SATB2: variants seen among roughly 807,000 people sequenced by gnomAD.
The protein encoded by SATB2 is SATB homeobox 2.
SATB2 carries 1 observed loss-of-function variant against 73.4 expected under a neutral mutation model. That is an observed-to-expected ratio of 0.01 (90% CI 0.00 to 0.06). The LOEUF is 0.06. SATB2 is among the 10% of genes least tolerant of loss of function. The pLI is 1.00. For synonymous variants in SATB2, 397 were observed against 367.0 expected (o/e 1.08, Z -0.93); for missense variants, 459 against 945.8 (o/e 0.49, Z 6.75).
intron 3 of SATB2, among the ~76,000 whole-genome samples, chr2:199,385,776 T>C (rs545878592): frequency 4.6e-5 from 7 of 152,268 alleles, no homozygotes; most frequent in African/African-American, 1.7e-4. Flanking sequence ...AATGCCTGAC[T>C]CAGTAGCACA....
chr2:199,372,657 T>C (rs527471817), intron 5 of SATB2, among the ~76,000 whole-genome samples: 10 of 152,106 alleles, frequency 6.6e-5, no homozygotes, highest in Non-Finnish European at 1.5e-4. Flanking sequence ...GAAGGGAGAC[T>C]AACGAATGAA....
In SATB2 at chr2:199,463,396, C is replaced by T. The variant is rs531912079; in HGVS notation, c.-141+1440G>A. On this transcript the variant is annotated intron_variant, in intron 1 of 11. Transcript: ENST00000260926. This position sits in a 1 kb window ranked among gnomAD's most constrained non-coding sequence, Gnocchi z 6.4. Reference sequence around the variant, plus strand: ...CGGGGTTGGGGCCCCGGGTGGCGCTCCCGACCCGCCGCGTTTTCCTTAGGG... The same window carrying T: ...CGGGGTTGGGGCCCCGGGTGGCGCTTCCGACCCGCCGCGTTTTCCTTAGGG... Among the ~76,000 whole-genome samples, 642 of 152,308 alleles carry T rather than the reference C, an allele frequency of 4.2e-3. 3 individuals carry two copies. The highest frequency in any genetic ancestry group is 5.1e-3 in the Non-Finnish European group (347 of 68,016).
chr2:199,374,658 T>C (rs78336980), intron 5 of SATB2, among the ~76,000 whole-genome samples: 220 of 152,302 alleles, frequency 1.4e-3, no homozygotes, highest in African/African-American at 5.0e-3. Context: ...CACTTGCAAA[T>C]TGTTCTTTTC....
intron 3 of SATB2, among the ~76,000 whole-genome samples, chr2:199,418,590 G>A (rs553827221): frequency 2.0e-5 from 3 of 151,702 alleles, no homozygotes; most frequent in South Asian, 2.1e-4. Flanking sequence ...AAATCTTAAC[G>A]TGGTTTGCTT....
At chr2:199,444,203 T>C (rs1388834040) in intron 2 of SATB2, among the ~76,000 whole-genome samples, 1 of 152,094 alleles carries the variant, frequency 6.6e-6, no homozygotes, top group African/African-American at 2.4e-5. Context: ...AGTCTCTGCA[T>C]ATAAATCTCT....
chr2:199,302,751 C>G (rs1205114323), intron 10 of SATB2, among the ~76,000 whole-genome samples: 2 of 152,116 alleles, frequency 1.3e-5, no homozygotes, highest in African/African-American at 4.8e-5. Flanking sequence ...GGAAGATGTC[C>G]TTCAGGAAGC....
intron 2 of SATB2, among the ~76,000 whole-genome samples, chr2:199,443,348 A>G (rs2105940843): frequency 6.6e-6 from 1 of 152,276 alleles, no homozygotes; most frequent in South Asian, 2.1e-4. Flanking sequence ...TCAAGTGCTC[A>G]GCTCTCAATA....
chr2:199,304,284 G>A (rs553989269), intron 10 of SATB2, among the ~76,000 whole-genome samples: 1 of 152,264 alleles, frequency 6.6e-6, no homozygotes, highest in African/African-American at 2.4e-5. Flanking sequence ...ACTATTGGGA[G>A]AAAAATCACT....
At chr2:199,408,913 G>A (rs1289736045) in intron 3 of SATB2, among the ~76,000 whole-genome samples, 1 of 152,096 alleles carries the variant, frequency 6.6e-6, no homozygotes, top group Non-Finnish European at 1.5e-5. Flanking sequence ...AGTCATGGAG[G>A]AGAGCACTGA....
chr2:199,332,076 T>C (rs1044933069), intron 7 of SATB2, among the ~76,000 whole-genome samples: 1 of 152,118 alleles, frequency 6.6e-6, no homozygotes, highest in Non-Finnish European at 1.5e-5. Flanking sequence ...TCATGAATAT[T>C]GAGAATGTGC....
chr2:199,439,879 G>A (rs1404936327), intron 2 of SATB2, among the ~76,000 whole-genome samples: 5 of 152,042 alleles, frequency 3.3e-5, no homozygotes, highest in South Asian at 4.1e-4. Flanking sequence ...CAAGGCAGGC[G>A]GATCACCTGA....
chr2:199,317,928 C>T (rs546662785), intron 9 of SATB2, among the ~76,000 whole-genome samples: 3 of 151,904 alleles, frequency 2.0e-5, no homozygotes, highest in Non-Finnish European at 4.4e-5. Context: ...GTATTTTTAG[C>T]GTACATATAT....
chr2:199,299,353 C>G (rs1452788244), intron 10 of SATB2, among the ~76,000 whole-genome samples: 1 of 152,088 alleles, frequency 6.6e-6, no homozygotes, highest in Admixed American at 6.6e-5. Context: ...TGGTTTGATA[C>G]CTTCAAATAG....
intron 3 of SATB2, among the ~76,000 whole-genome samples, chr2:199,431,183 TTCTA>T (rs748426587): frequency 3.3e-5 from 5 of 152,310 alleles, no homozygotes; most frequent in Admixed American, 6.5e-5. Flanking sequence ...CTACCTCCTT[TTCTA>T]TCTTTTTCAC....
rs774677973 is a variant in SATB2, at chr2:199,308,986, AC to A, written c.1543-30del. On this transcript the variant is annotated intron_variant, in intron 9 of 10. Transcript: ENST00000417098. The surrounding 1 kb of genome is among the most constrained non-coding windows in gnomAD (Gnocchi z 4.6). ...TAGAGAGAGGAGGTCGCTTGCATTA[AC>A]CTGCAGAGTGTAGAGGAGCTGAGGG... is the stretch of plus-strand genomic sequence containing the variant. 1 of 1,591,266 alleles carries A rather than the reference AC, an allele frequency of 6.3e-7. No homozygotes were observed. The highest frequency in any genetic ancestry group is 1.1e-5 in the South Asian group (1 of 90,304).
intron 6 of SATB2, among the ~76,000 whole-genome samples, chr2:199,352,435 C>T (rs895062341): frequency 1.3e-5 from 2 of 152,150 alleles, no homozygotes; most frequent in African/African-American, 4.8e-5. Flanking sequence ...CAGTAAGAGT[C>T]TGAATAATGT....
chr2:199,305,339 G>C (rs942868297), intron 10 of SATB2, among the ~76,000 whole-genome samples: 1 of 151,960 alleles, frequency 6.6e-6, no homozygotes, highest in Non-Finnish European at 1.5e-5. Flanking sequence ...GACTTGAGGG[G>C]CCGATAGGGG....
chr2:199,466,470 C>T (rs1375176937), upstream of SATB2, among the ~76,000 whole-genome samples: 2 of 152,188 alleles, frequency 1.3e-5, no homozygotes, highest in Admixed American at 6.5e-5. Context: ...CCCAAGCTGA[C>T]CAAGTTGAGA....
intron 2 of SATB2, among the ~76,000 whole-genome samples, chr2:199,446,006 A>T (rs1574636553): frequency 6.6e-6 from 1 of 152,218 alleles, no homozygotes; most frequent in Non-Finnish European, 1.5e-5. Flanking sequence ...TTAATACATC[A>T]AAAAGATCAT....
Sources: gnomAD v4.1 joint callset for allele counts (sites outside exome capture counted in the v4.1 genomes callset) on GRCh38, gnomAD v4.1.1 for gene constraint, Gnocchi (gnomAD v3.1) non-coding constraint, MANE v1.5 for transcripts, NCBI Gene and HGNC (gene_info 2026-07-23, HGNC 2026-07-21) for gene names.